SERPINB5: variants seen among roughly 807,000 people sequenced by gnomAD.
SERPINB5 encodes serpin family B member 5, also known as serpin B5.
Under a neutral mutation model 32.2 loss-of-function variants are expected in SERPINB5, and 27 were observed. The ratio of observed to expected loss-of-function variants is 0.84; its 90% CI spans 0.62 to 1.16. The LOEUF is 1.16. SERPINB5 is among the 50% of genes most tolerant of loss of function. The pLI, the probability that SERPINB5 is intolerant of heterozygous loss-of-function variation, is 0.00. For missense variants in SERPINB5, 388 were observed against 436.3 expected (o/e 0.89, Z 0.99); for synonymous variants, 154 against 157.4 (o/e 0.98, Z 0.16).
Position 63,503,629 on chromosome 18 carries a change from G to A in SERPINB5, c.1035G>A (p.Lys345=). The change falls in exon 7 of 7, where the codon AAG becomes AAA. Residue 345 remains lysine (K), a synonymous_variant. Transcript: ENST00000382771. ...CAGGAGCACGGATCCTGCAGCACAA[G>A]GATGAATTGAATGCTGACCATCCCT... is the stretch of plus-strand genomic sequence containing the variant. ...EVPGARILQH[K]DELNADHPFI... 1 of 1,614,222 alleles carries A rather than the reference G, an allele frequency of 6.2e-7. No homozygotes were observed. Among genetic ancestry groups the A allele is most frequent in the South Asian group, 1.1e-5 (1 of 91,088 alleles).
At chr18:63,478,508 C>T (rs897330790) in intron 1 of SERPINB5, among the ~76,000 whole-genome samples, 44 of 152,316 alleles carry the variant, frequency 2.9e-4, no homozygotes, top group African/African-American at 9.6e-4. Context: ...ATTGCAGAAA[C>T]TTCAAAATAT....
rs1244979788 is a variant in SERPINB5 at position 63,498,621 on chromosome 18, A to G, written c.568-499A>G. Among the ~76,000 whole-genome samples the G allele has an allele frequency of 1.3e-5, 2 of 152,184 alleles. No homozygotes were observed. The highest frequency in any genetic ancestry group is 6.5e-5 in the Admixed American group (1 of 15,272). Reference sequence around the variant, plus strand: ...AACATGTAGATTATAAAGTATATGAATAACTTTTCAAAGGAACACAAACTC... The same window carrying G: ...AACATGTAGATTATAAAGTATATGAGTAACTTTTCAAAGGAACACAAACTC... On this transcript the variant is annotated intron_variant, in intron 5 of 6. Transcript: ENST00000382771. The surrounding 1 kb of genome is among the most constrained non-coding windows in gnomAD (Gnocchi z 4.2).
intron 6 of SERPINB5, 150 bp downstream of exon 6, chr18:63,499,437 T>A (rs2144509593): frequency 3.3e-6 from 2 of 602,618 alleles, no homozygotes; most frequent in Non-Finnish European, 5.3e-6. Context: ...TGGTTCTTTC[T>A]GGGGCCTTTC....
chr18:63,483,881 CCT>C (rs1275344155), intron 1 of SERPINB5, among the ~76,000 whole-genome samples: 3 of 152,120 alleles, frequency 2.0e-5, no homozygotes, highest in African/African-American at 4.8e-5. Flanking sequence ...TAGGACATAC[CCT>C]GTTTCCACGT....
intron 1 of SERPINB5, among the ~76,000 whole-genome samples, chr18:63,478,975 G>A (rs1185635469): frequency 6.6e-6 from 1 of 152,086 alleles, no homozygotes; most frequent in African/African-American, 2.4e-5. Context: ...GGCCAGGCTG[G>A]TCTCGAACTC....
rs933739196 is a variant in SERPINB5 at position 63,498,234 on chromosome 18, C to A, written c.568-886C>A. ...TTTCCCAAGAAGCTGAGATTACAGG[C>A]GTGTGCCACCATGCCTGGCTGACTT... is the stretch of plus-strand genomic sequence containing the variant. On this transcript the variant is annotated intron_variant, in intron 5 of 6. Coordinates refer to ENST00000382771, the MANE Select transcript of SERPINB5 (RefSeq NM_002639.5). This position sits in a 1 kb window ranked among gnomAD's most constrained non-coding sequence, Gnocchi z 4.2. Among the ~76,000 whole-genome samples, 2 of 152,102 alleles carry A rather than the reference C, an allele frequency of 1.3e-5. No homozygotes were observed. The highest frequency in any genetic ancestry group is 2.9e-5 in the Non-Finnish European group (2 of 68,030).
At chr18:63,493,257 G>A in intron 5 of SERPINB5, 162 bp downstream of exon 5, 1 of 860,966 alleles carries the variant, frequency 1.2e-6, no homozygotes, top group Non-Finnish European at 1.9e-6. Context: ...GGTACAAAAA[G>A]AGCCAGAATC....
At chr18:63,480,469 C>T (rs934859418) in intron 1 of SERPINB5, among the ~76,000 whole-genome samples, 3 of 152,194 alleles carry the variant, frequency 2.0e-5, no homozygotes, top group Non-Finnish European at 4.4e-5. Flanking sequence ...AATTTTAGCA[C>T]TTTCAACAGA....
In SERPINB5 at chr18:63,489,469, G is replaced by C; in HGVS notation, c.424+5G>C. On this transcript the variant is annotated splice_donor_5th_base_variant and intron_variant, in intron 4 of 6. Transcript: ENST00000382771. ...CAATTAAGGATCTCACAGATGGCAA[G>C]TACCCTTTAATTGTTCTGCTATCAA... The C allele has an allele frequency of 6.5e-7, 1 of 1,527,016 alleles. No homozygotes were observed. Among genetic ancestry groups the C allele is most frequent in the Non-Finnish European group, 9.1e-7 (1 of 1,103,678 alleles). 94.6% of individuals were successfully genotyped at this position (1,527,016 alleles called of 1,614,324 possible). A position where few individuals can be genotyped will look rare whatever the true frequency, so the allele number is the denominator to read the frequency against.
chr18:63,481,529 C>T (rs1917127297), intron 1 of SERPINB5, among the ~76,000 whole-genome samples: 1 of 152,216 alleles, frequency 6.6e-6, no homozygotes, highest in Non-Finnish European at 1.5e-5. Context: ...GATTAGCTCT[C>T]CACTGGTGGA....
rs376750114 is a variant in SERPINB5, at chr18:63,503,558, G to A, written c.964G>A (p.Val322Met). ...GGCCCTATCAAATGTTATCCACAAA[G>A]TGTGCTTAGAAATAACTGAAGATGG... Reference protein sequence around the residue: ...GVALSNVIHKVCLEITEDGGD... With the variant: ...GVALSNVIHKMCLEITEDGGD... The change falls in exon 7 of 7, where the codon GTG (valine) becomes ATG (methionine). Residue 322 changes from valine to methionine, a missense_variant. Physicochemically the swap from Val to Met is conservative, Grantham distance 21. Transcript: ENST00000382771. 1.5e-5 allele frequency: 24 copies of A among 1,614,126 alleles called. No individual in the cohort carries two copies. Among genetic ancestry groups the A allele is most frequent in the Non-Finnish European group, 1.9e-5 (23 of 1,180,050 alleles).
intron 1 of SERPINB5, among the ~76,000 whole-genome samples, chr18:63,478,758 G>GTTTTTTTTTTTTTT (rs10669993): frequency 3.0e-5 from 4 of 135,382 alleles, no homozygotes; most frequent in Non-Finnish European, 4.6e-5. Flanking sequence ...TAAAAACGTA[G>GTTTTTTTTTTTTTT]TTTTTTTTTT....
Position 63,484,402 on chromosome 18 carries a change from TC to T in SERPINB5, c.-7-17del. The stretch of plus-strand genomic sequence containing the variant: ...TAAAGATGCTTTAGAAACTAACTGC[TC>T]CCTTGTCCTTGCTTCCAGGCCCGCA... On this transcript the variant is annotated intron_variant, in intron 1 of 6. Transcript: ENST00000382771. The T allele has an allele frequency of 3.8e-6, 6 of 1,597,146 alleles. No homozygotes were observed. The highest frequency in any genetic ancestry group is 5.1e-6 in the Non-Finnish European group (6 of 1,173,088).
In SERPINB5 at chr18:63,489,352, C is replaced by T; in HGVS notation, c.312C>T (p.Phe104=). ...VDKSLNLSTE[F]ISSTKRPYAK... ...ATGAACTGCATGTTTTTCAGGAGTT[C>T]ATCAGCTCTACGAAGAGACCGTATG... The change falls in exon 4 of 7, where the codon TTC becomes TTT. Residue 104 remains phenylalanine, a synonymous_variant. Transcript: ENST00000382771. 6.3e-7 allele frequency: 1 copy of T among 1,582,772 alleles called. No individual in the cohort carries two copies. The highest frequency in any genetic ancestry group is 8.6e-7 in the Non-Finnish European group (1 of 1,156,202).
At chr18:63,497,221 G>T in intron 5 of SERPINB5, 1 of 729,296 alleles carries the variant, frequency 1.4e-6, no homozygotes, top group South Asian at 1.3e-5. Context: ...AGACACAGTT[G>T]GTGTGGTTGG....
rs1909646377 is a variant in SERPINB5 at position 63,504,940 on chromosome 18, AT to A, written c.*1219del. 1 of 122,266 alleles carries A rather than the reference AT, an allele frequency of 8.2e-6. No homozygotes were observed. Among genetic ancestry groups the A allele is most frequent in the Non-Finnish European group, 1.8e-5 (1 of 56,546 alleles). 7.6% of individuals were successfully genotyped at this position (122,266 alleles called of 1,614,324 possible). A position where few individuals can be genotyped will look rare whatever the true frequency, so the allele number is the denominator to read the frequency against. On this transcript the variant is annotated 3_prime_UTR_variant, in exon 7 of 7. Transcript: ENST00000382771. ...TTGCAGGTTCATGGATTACTTCTCTATAAAAAATATGTATTTACCAAAAATT... is the reference window on the plus strand; with the variant it reads ...TTGCAGGTTCATGGATTACTTCTCTAAAAAAATATGTATTTACCAAAAATT...
chr18:63,487,133 C>G, intron 3 of SERPINB5, 50 bp downstream of exon 3: 1 of 1,579,424 alleles, frequency 6.3e-7, no homozygotes, highest in Non-Finnish European at 8.6e-7. Context: ...CAAGGAGTGG[C>G]ATTTTCATGC....
intron 1 of SERPINB5, 87 bp from the exon 2 acceptor site, chr18:63,484,335 T>C: frequency 8.0e-7 from 1 of 1,242,566 alleles, no homozygotes; most frequent in Non-Finnish European, 1.1e-6. Context: ...TTTGTTTAAA[T>C]AGAATTCTTA....
chr18:63,497,312 TCTC>T (rs1909468267), intron 5 of SERPINB5: 6 of 1,275,320 alleles, frequency 4.7e-6, no homozygotes, highest in South Asian at 1.2e-5. Context: ...CAGCAGCTCT[TCTC>T]CTATGCGATT....
Sources: allele counts gnomAD v4.1 joint callset (sites outside exome capture counted in the v4.1 genomes callset), GRCh38; gene constraint gnomAD v4.1.1; non-coding constraint Gnocchi (gnomAD v3.1); transcripts MANE v1.5; gene names NCBI Gene and HGNC (gene_info 2026-07-23, HGNC 2026-07-21).